Variants in ASPRV1 observed in about 807,000 individuals in gnomAD.
The protein encoded by ASPRV1 is aspartic peptidase retroviral like 1.
Under a neutral mutation model 11.0 loss-of-function variants are expected in ASPRV1, and 7 were observed. That is an observed-to-expected ratio of 0.64 (90% CI 0.36 to 1.20). The LOEUF (loss-of-function observed/expected upper bound fraction) is 1.20, where lower values mean the gene tolerates loss of function less well. ASPRV1 is among the 50% of genes most tolerant of loss of function. The probability of loss-of-function intolerance (pLI) is 0.02; values close to 1 mark genes in which losing one functional copy is unlikely to be tolerated. For synonymous variants in ASPRV1, 136 were observed against 138.4 expected (o/e 0.98, Z 0.12); for missense variants, 299 against 320.0 (o/e 0.93, Z 0.50).
the ASPRV1 span, among the ~76,000 whole-genome samples, chr2:69,981,471 G>A: frequency 6.6e-6 from 1 of 152,206 alleles, no homozygotes; most frequent in Admixed American, 6.5e-5. Context: ...TATAATTAGA[G>A]TGAATCATAG....
At chr2:69,963,230 G>A (rs1200092801), upstream of ASPRV1, 1 of 455,212 alleles carries the variant, frequency 2.2e-6, no homozygotes, top group Non-Finnish European at 4.4e-6. Flanking sequence ...CTAAGGTGGG[G>A]CCATTGTGGC....
the ASPRV1 span, chr2:70,030,439 CG>C: frequency 4.6e-5 from 7 of 152,154 alleles, no homozygotes. Flanking sequence ...CTTTCCCTCT[CG>C]GTTTCCCACC....
At chr2:70,036,193 C>T in the ASPRV1 span, among the ~76,000 whole-genome samples, 1 of 151,860 alleles carries the variant, frequency 6.6e-6, no homozygotes, top group Non-Finnish European at 1.5e-5. Flanking sequence ...AAAAGAGACA[C>T]CCTGTTACTT....
At chr2:69,992,135 G>A in the ASPRV1 span, among the ~76,000 whole-genome samples, 2 of 151,980 alleles carry the variant, frequency 1.3e-5, no homozygotes. Flanking sequence ...CACTCTTAAT[G>A]ATCTTTGTTC....
chr2:69,973,101 C>T, the ASPRV1 span, among the ~76,000 whole-genome samples: 1 of 152,104 alleles, frequency 6.6e-6, no homozygotes, highest in Non-Finnish European at 1.5e-5. Flanking sequence ...TGCATATATA[C>T]ACATACATAC....
the ASPRV1 span, among the ~76,000 whole-genome samples, chr2:70,017,181 C>G: frequency 6.6e-6 from 1 of 152,116 alleles, no homozygotes; most frequent in East Asian, 1.9e-4. Context: ...TTAGTAGAGA[C>G]AGGGTTTCAC....
chr2:69,988,317 T>C, the ASPRV1 span: 1 of 157,196 alleles, frequency 6.4e-6, no homozygotes, highest in Non-Finnish European at 1.4e-5. Flanking sequence ...AGTTACACAA[T>C]GGAATATTAT....
the ASPRV1 span, among the ~76,000 whole-genome samples, chr2:70,040,004 G>A: frequency 1.3e-5 from 2 of 152,198 alleles, no homozygotes; most frequent in Non-Finnish European, 2.9e-5. Context: ...ATGGTGTGAT[G>A]AACAATATAA....
At chr2:69,957,523 G>A (rs147896103), downstream of ASPRV1, among the ~76,000 whole-genome samples, 132 of 151,476 alleles carry the variant, frequency 8.7e-4, no homozygotes, top group Non-Finnish European at 1.3e-3. Context: ...GAAGAAGGCA[G>A]CTTGTAGGGC....
chr2:70,050,046 G>A, the ASPRV1 span: 1 of 152,176 alleles, frequency 6.6e-6, no homozygotes, highest in Non-Finnish European at 1.5e-5. Flanking sequence ...CACTTTTCGA[G>A]GCTGAGGTGG....
downstream of ASPRV1, among the ~76,000 whole-genome samples, chr2:69,957,422 A>G (rs535366113): frequency 1.3e-5 from 2 of 151,518 alleles, no homozygotes; most frequent in East Asian, 3.9e-4. Flanking sequence ...TCAAATTAAG[A>G]CTTAAAGATT....
the ASPRV1 span, chr2:70,050,616 G>A: frequency 6.6e-6 from 1 of 152,158 alleles, no homozygotes; most frequent in South Asian, 2.1e-4. Context: ...TATGATAGTC[G>A]ACATGTTAAC....
chr2:70,009,732 A>G, the ASPRV1 span, among the ~76,000 whole-genome samples: 1 of 152,208 alleles, frequency 6.6e-6, no homozygotes, highest in African/African-American at 2.4e-5. Context: ...GACCTTTGGG[A>G]AGCCTATTTT....
the ASPRV1 span, among the ~76,000 whole-genome samples, chr2:69,952,770 C>A: frequency 6.6e-6 from 1 of 152,108 alleles, no homozygotes; most frequent in Non-Finnish European, 1.5e-5. Context: ...TAGTCCCCCC[C>A]ATCCCCTATC....
chr2:70,060,753 C>A, the ASPRV1 span, among the ~76,000 whole-genome samples: 1 of 152,124 alleles, frequency 6.6e-6, no homozygotes, highest in Non-Finnish European at 1.5e-5. Flanking sequence ...AAGGCAGAGG[C>A]TGCAGTAAGC....
chr2:69,937,419 T>C, the ASPRV1 span: 5 of 1,572,008 alleles, frequency 3.2e-6, no homozygotes, highest in Non-Finnish European at 4.3e-6. Context: ...CTCTCCTCCC[T>C]GTCTCCCTTG....
At chr2:70,060,384 G>A in the ASPRV1 span, among the ~76,000 whole-genome samples, 1 of 149,856 alleles carries the variant, frequency 6.7e-6, no homozygotes, top group South Asian at 2.1e-4. Context: ...ACAAAGTGCT[G>A]TCTCTGTTGA....
chr2:70,034,877 G>A, the ASPRV1 span: 527 of 152,530 alleles, frequency 3.5e-3, 2 homozygotes, highest in Non-Finnish European at 5.6e-3. Flanking sequence ...GTAAAAAGGC[G>A]GCCAAGAATA....
the ASPRV1 span, among the ~76,000 whole-genome samples, chr2:69,990,358 A>G: frequency 6.6e-6 from 1 of 151,882 alleles, no homozygotes. Context: ...TAATATTTGT[A>G]TTTATATTAG....
Sources: allele counts gnomAD v4.1 joint callset (sites outside exome capture counted in the v4.1 genomes callset), GRCh38; gene constraint gnomAD v4.1.1; transcripts MANE v1.5; gene names NCBI Gene and HGNC (gene_info 2026-07-23, HGNC 2026-07-21).